The following FAF1 variants were observed in gnomAD, a reference collection of about 807,000 sequenced individuals.
FAF1 encodes the protein Fas associated factor 1, also known as FAS-associated factor 1.
FAF1 carries 25 observed loss-of-function variants against 92.5 expected under a neutral mutation model. The ratio of observed to expected loss-of-function variants is 0.27; its 90% CI spans 0.20 to 0.38. The LOEUF is 0.38. Ranked by LOEUF, FAF1 falls within the 10% of genes least tolerant of loss-of-function variation. The pLI is 1.00. For missense variants in FAF1, 636 were observed against 793.3 expected, an observed-to-expected ratio of 0.80 and a Z score of 2.38; for synonymous variants, 234 against 273.2, an observed-to-expected ratio of 0.86 and a Z score of 1.42.
At chr1:50,904,074 A>G (rs1404610866) in intron 1 of FAF1, among the ~76,000 whole-genome samples, 7 of 152,254 alleles carry the variant, frequency 4.6e-5, no homozygotes. Context: ...TTGTATATCA[A>G]CGTTCATAGC....
chr1:50,493,274 C>T (rs899255046), intron 15 of FAF1, among the ~76,000 whole-genome samples: 4 of 152,178 alleles, frequency 2.6e-5, no homozygotes, highest in Non-Finnish European at 5.9e-5. Context: ...CTCAAGTGAT[C>T]TGCCTGCCTT....
intron 7 of FAF1, among the ~76,000 whole-genome samples, chr1:50,694,499 A>G (rs1049739006): frequency 6.6e-6 from 1 of 151,732 alleles, no homozygotes; most frequent in African/African-American, 2.4e-5. Context: ...GATTTTCTTT[A>G]TAAGTTTTCC....
chr1:50,773,982 T>A (rs1447117619), intron 4 of FAF1, among the ~76,000 whole-genome samples: 1 of 152,178 alleles, frequency 6.6e-6, no homozygotes, highest in Non-Finnish European at 1.5e-5. Flanking sequence ...GAAGCTGAAT[T>A]AAAGAATATT....
chr1:50,512,350 T>A (rs1158121256), intron 15 of FAF1, among the ~76,000 whole-genome samples: 2 of 152,222 alleles, frequency 1.3e-5, no homozygotes, highest in Non-Finnish European at 2.9e-5. Context: ...CTAGGTTTTC[T>A]TCTAGGGTTT....
At chr1:50,537,387 G>A (rs1648541988) in intron 14 of FAF1, among the ~76,000 whole-genome samples, 3 of 152,146 alleles carry the variant, frequency 2.0e-5, no homozygotes, top group African/African-American at 7.2e-5. Context: ...AAGTATACCA[G>A]TTAATGCAGT....
At chr1:50,842,782 T>C (rs1391260628) in intron 2 of FAF1, among the ~76,000 whole-genome samples, 1 of 152,180 alleles carries the variant, frequency 6.6e-6, no homozygotes, top group Non-Finnish European at 1.5e-5. Flanking sequence ...TCTATATCTT[T>C]AGTCATGCTA....
intron 4 of FAF1, among the ~76,000 whole-genome samples, chr1:50,759,910 G>T (rs1289529041): frequency 2.6e-5 from 4 of 152,166 alleles, no homozygotes; most frequent in Non-Finnish European, 4.4e-5. Flanking sequence ...CAGTGATGAT[G>T]AGCATTTTTT....
intron 8 of FAF1, among the ~76,000 whole-genome samples, chr1:50,613,232 G>A (rs1652758901): frequency 6.6e-6 from 1 of 152,176 alleles, no homozygotes; most frequent in South Asian, 2.1e-4. Flanking sequence ...ATAACTATCT[G>A]ATTGACATCT....
rs941541473 is a variant in FAF1, at chr1:50,858,455, C to T, written c.46-458G>A. Among the ~76,000 whole-genome samples, 7 of 151,758 alleles carry T rather than the reference C, an allele frequency of 4.6e-5. No individual in the cohort carries two copies. The South Asian group carries it at 6.2e-4, about 13-fold the overall frequency. ...GTGCTGTCTGATAGCCACTACCAGCCGCTCTCTGGTAGCTGCTAGACACAT... is the reference window on the plus strand; with the variant it reads ...GTGCTGTCTGATAGCCACTACCAGCTGCTCTCTGGTAGCTGCTAGACACAT... On this transcript the variant is annotated intron_variant, in intron 1 of 18. Coordinates refer to ENST00000396153, the MANE Select transcript of FAF1 (RefSeq NM_007051.3).
At chr1:50,952,985 G>A (rs1025250876) in intron 1 of FAF1, among the ~76,000 whole-genome samples, 3 of 152,216 alleles carry the variant, frequency 2.0e-5, no homozygotes, top group Admixed American at 6.5e-5. Flanking sequence ...AAGAGAGATG[G>A]GATTGTTGCT....
At chr1:50,466,323 G>C (rs1646495208) in intron 18 of FAF1, among the ~76,000 whole-genome samples, 2 of 152,136 alleles carry the variant, frequency 1.3e-5, no homozygotes, top group South Asian at 4.1e-4. Context: ...AATCAGATAA[G>C]GAAGACTATG....
chr1:50,604,425 A>G (rs1652282488), intron 8 of FAF1, among the ~76,000 whole-genome samples: 1 of 152,218 alleles, frequency 6.6e-6, no homozygotes, highest in Non-Finnish European at 1.5e-5. Context: ...ATAGAGAGGT[A>G]AAGTGTTTGT....
intron 15 of FAF1, among the ~76,000 whole-genome samples, chr1:50,495,261 C>A (rs1457975315): frequency 6.6e-6 from 1 of 152,224 alleles, no homozygotes; most frequent in Non-Finnish European, 1.5e-5. Context: ...CCACACCCCA[C>A]TGCCCTCCCT....
intron 13 of FAF1, among the ~76,000 whole-genome samples, chr1:50,561,477 T>C (rs1264407299): frequency 6.6e-6 from 1 of 152,224 alleles, no homozygotes; most frequent in African/African-American, 2.4e-5. Flanking sequence ...ACTCTCTTGC[T>C]ATTTTTCAAT....
chr1:50,952,888 G>A (rs1394516139), intron 1 of FAF1, among the ~76,000 whole-genome samples: 10 of 152,248 alleles, frequency 6.6e-5, no homozygotes, highest in Non-Finnish European at 4.4e-5. Flanking sequence ...CCCCGTCTGG[G>A]AGGTATACCC....
At chr1:50,884,512 ACT>A (rs555179436) in intron 1 of FAF1, among the ~76,000 whole-genome samples, 313 of 147,682 alleles carry the variant, frequency 2.1e-3, no homozygotes, top group South Asian at 6.7e-3. Context: ...ACAGAGTGAG[ACT>A]CTGTCTCAAA....
chr1:50,899,027 CTCTT>C (rs1176947898), intron 1 of FAF1, among the ~76,000 whole-genome samples: 1 of 152,102 alleles, frequency 6.6e-6, no homozygotes, highest in Non-Finnish European at 1.5e-5. Context: ...ATCACTGCTC[CTCTT>C]TTTTTTCCAG....
At chr1:50,909,962 G>A (rs1644871447) in intron 1 of FAF1, among the ~76,000 whole-genome samples, 1 of 152,198 alleles carries the variant, frequency 6.6e-6, no homozygotes, top group African/African-American at 2.4e-5. Context: ...GAGGCACTCT[G>A]ATTTTTAGAA....
intron 7 of FAF1, among the ~76,000 whole-genome samples, chr1:50,702,722 G>A (rs1203903572): frequency 6.6e-6 from 1 of 152,130 alleles, no homozygotes; most frequent in Admixed American, 6.5e-5. Context: ...GTCACGCATT[G>A]TGAGGCAGCA....
Sources: allele counts gnomAD v4.1 joint callset (sites outside exome capture counted in the v4.1 genomes callset), GRCh38; gene constraint gnomAD v4.1.1; transcripts MANE v1.5; gene names NCBI Gene and HGNC (gene_info 2026-07-23, HGNC 2026-07-21).